Variants in PIK3C2G observed in about 807,000 individuals in gnomAD.
The protein encoded by PIK3C2G is phosphatidylinositol 3-kinase C2 domain-containing subunit gamma.
In PIK3C2G, 168 loss-of-function variants were observed where a neutral mutation model predicts 181.1. The ratio of observed to expected loss-of-function variants is 0.93; its 90% CI spans 0.82 to 1.05. The LOEUF (loss-of-function observed/expected upper bound fraction) is 1.05, where lower values mean the gene tolerates loss of function less well. Among genes scored for constraint, PIK3C2G ranks in the 50% least tolerant of loss-of-function variants. The pLI is 0.00. For missense variants in PIK3C2G, 1,869 were observed against 1,732.8 expected (o/e 1.08, Z -1.40); for synonymous variants, 573 against 592.2 (o/e 0.97, Z 0.47).
At chr12:18,522,633 T>C (rs1322952920) in intron 24 of PIK3C2G, among the ~76,000 whole-genome samples, 2 of 152,062 alleles carry the variant, frequency 1.3e-5, no homozygotes, top group African/African-American at 4.8e-5. Context: ...TTGAATGTGA[T>C]ATCTTCTTTA....
At chr12:18,451,373 T>C (rs1366656406) in intron 18 of PIK3C2G, among the ~76,000 whole-genome samples, 1 of 152,202 alleles carries the variant, frequency 6.6e-6, no homozygotes, top group Non-Finnish European at 1.5e-5. Context: ...TTTGGCTCTA[T>C]GCTTGTCTAT....
chr12:18,425,469 G>T (rs1945752346), intron 18 of PIK3C2G, among the ~76,000 whole-genome samples: 1 of 130,582 alleles, frequency 7.7e-6, no homozygotes, highest in African/African-American at 2.9e-5. Flanking sequence ...TCAGCTCACT[G>T]CAACCTCCAA....
chr12:18,550,313 A>G (rs1003707441), intron 26 of PIK3C2G, among the ~76,000 whole-genome samples: 7 of 152,140 alleles, frequency 4.6e-5, no homozygotes, highest in African/African-American at 1.7e-4. Context: ...CAATGAATAG[A>G]GTGAATTTAT....
At chr12:18,439,586 A>G (rs1249934537) in intron 18 of PIK3C2G, among the ~76,000 whole-genome samples, 3 of 151,964 alleles carry the variant, frequency 2.0e-5, no homozygotes, top group Non-Finnish European at 4.4e-5. Context: ...CCACTCATGT[A>G]TGTATCTGGG....
intron 16 of PIK3C2G, among the ~76,000 whole-genome samples, chr12:18,419,921 C>T (rs1453760896): frequency 6.6e-6 from 1 of 152,058 alleles, no homozygotes; most frequent in Non-Finnish European, 1.5e-5. Context: ...AAAACACTGA[C>T]CATTAAAGAC....
intron 24 of PIK3C2G, among the ~76,000 whole-genome samples, chr12:18,511,022 C>A (rs925787963): frequency 1.3e-5 from 2 of 152,130 alleles, no homozygotes; most frequent in Non-Finnish European, 1.5e-5. Flanking sequence ...CTCTGATAAT[C>A]ACCATTCTAC....
chr12:18,629,978 T>G (rs749612855), intron 31 of PIK3C2G, among the ~76,000 whole-genome samples: 2 of 152,184 alleles, frequency 1.3e-5, no homozygotes, highest in Non-Finnish European at 2.9e-5. Flanking sequence ...GAGCTAAATA[T>G]TATTAATACA....
At chr12:18,574,944 A>G (rs1592622588) in intron 29 of PIK3C2G, among the ~76,000 whole-genome samples, 1 of 152,206 alleles carries the variant, frequency 6.6e-6, no homozygotes, top group Non-Finnish European at 1.5e-5. Context: ...TTAAAAATAT[A>G]TCAATGCATA....
chr12:18,698,138 C>T, the PIK3C2G span, among the ~76,000 whole-genome samples: 1 of 152,060 alleles, frequency 6.6e-6, no homozygotes, highest in Non-Finnish European at 1.5e-5. Context: ...ACTCTCTTAA[C>T]CACACCTTAC....
chr12:18,273,509 G>A (rs1486058116), intron 1 of PIK3C2G, among the ~76,000 whole-genome samples: 1 of 152,110 alleles, frequency 6.6e-6, no homozygotes, highest in Non-Finnish European at 1.5e-5. Flanking sequence ...ATTCTGTGAA[G>A]AAAGTCATTG....
the PIK3C2G span, among the ~76,000 whole-genome samples, chr12:18,667,395 A>T: frequency 0.013 from 2,035 of 152,246 alleles, 53 homozygotes; most frequent in African/African-American, 0.047. Flanking sequence ...TAAAATCAAG[A>T]TTACCTGTAT....
At chr12:18,446,682 T>C (rs1263394275) in intron 18 of PIK3C2G, among the ~76,000 whole-genome samples, 4 of 152,268 alleles carry the variant, frequency 2.6e-5, no homozygotes, top group South Asian at 4.1e-4. Context: ...ATAATTAACA[T>C]AGGAATGATT....
intron 12 of PIK3C2G, among the ~76,000 whole-genome samples, chr12:18,368,080 C>T (rs1941768889): frequency 6.6e-6 from 1 of 152,090 alleles, no homozygotes; most frequent in Admixed American, 6.6e-5. Flanking sequence ...GGAAACCGCT[C>T]CTGTGATCCA....
At chr12:18,327,546 G>A (rs778722641) in intron 8 of PIK3C2G, among the ~76,000 whole-genome samples, 1 of 152,040 alleles carries the variant, frequency 6.6e-6, no homozygotes, top group East Asian at 1.9e-4. Flanking sequence ...TTTTAGGCCA[G>A]GCATTCTGGC....
chr12:18,305,732 A>T (rs1233490715), intron 5 of PIK3C2G, among the ~76,000 whole-genome samples: 1 of 152,078 alleles, frequency 6.6e-6, no homozygotes, highest in Non-Finnish European at 1.5e-5. Context: ...AGTCTGTAGT[A>T]GGATGTTTCT....
the PIK3C2G span, chr12:18,723,293 T>A: frequency 6.3e-7 from 1 of 1,589,552 alleles, no homozygotes. Flanking sequence ...CCGATAAAAG[T>A]TTGAAATGCA....
chr12:18,678,007 A>G, the PIK3C2G span, among the ~76,000 whole-genome samples: 1 of 152,100 alleles, frequency 6.6e-6, no homozygotes, highest in Non-Finnish European at 1.5e-5. Flanking sequence ...AGAATATGAG[A>G]AATATAACTC....
At chr12:18,685,319 A>G in the PIK3C2G span, among the ~76,000 whole-genome samples, 3 of 152,070 alleles carry the variant, frequency 2.0e-5, no homozygotes, top group Admixed American at 6.6e-5. Flanking sequence ...GACCCAAATC[A>G]TCCAAAAAGT....
At position 18,415,100 on chromosome 12, in the gene PIK3C2G, C is replaced by G. The variant is rs184858638; in HGVS notation, c.2316-5841C>G. 4.6e-4 allele frequency among the ~76,000 whole-genome samples: 70 copies of G among 152,264 alleles called. 1 individual carries two copies. Among genetic ancestry groups the G allele is most frequent in the Non-Finnish European group, 8.8e-4 (60 of 68,010 alleles). ...TACTGTATTACTAATTTTTTGTTCTCCTGTTTTTGAAAGAAAAATGCAGGC... is the reference window on the plus strand; with the variant it reads ...TACTGTATTACTAATTTTTTGTTCTGCTGTTTTTGAAAGAAAAATGCAGGC... On this transcript the variant is annotated intron_variant, in intron 16 of 32. Coordinates refer to ENST00000538779, the MANE Select transcript of PIK3C2G (RefSeq NM_001288772.2).
Sources: allele counts gnomAD v4.1 joint callset (sites outside exome capture counted in the v4.1 genomes callset), GRCh38; gene constraint gnomAD v4.1.1; transcripts MANE v1.5; gene names NCBI Gene and HGNC (gene_info 2026-07-23, HGNC 2026-07-21).